The following WDR64 variants were observed in gnomAD, a reference collection of about 807,000 sequenced individuals.
WDR64 encodes the protein WD repeat domain 64.
A neutral mutation model predicts 139.3 loss-of-function variants in WDR64; 112 were observed. The ratio of observed to expected loss-of-function variants is 0.80; its 90% CI spans 0.69 to 0.94. The LOEUF is 0.94. WDR64 is among the 40% of genes least tolerant of loss of function. WDR64 has a pLI of 0.00. For synonymous variants in WDR64, 444 were observed against 437.7 expected (o/e 1.01, Z -0.18); for missense variants, 1,206 against 1,293.1 (o/e 0.93, Z 1.03).
At chr1:241,758,780 G>A (rs996325870) in intron 15 of WDR64, among the ~76,000 whole-genome samples, 5 of 152,018 alleles carry the variant, frequency 3.3e-5, no homozygotes, top group African/African-American at 9.7e-5. Flanking sequence ...GGCTCATCTT[G>A]TACATTTCTT....
At chr1:241,674,535 G>A (rs1478761777) in intron 3 of WDR64, 109 bp from the exon 4 acceptor site, 6 of 636,196 alleles carry the variant, frequency 9.4e-6, no homozygotes, top group Non-Finnish European at 1.4e-5. Flanking sequence ...GATTACAGGA[G>A]TGAGCCACTT....
At chr1:241,752,631 C>T (rs753259890) in intron 14 of WDR64, among the ~76,000 whole-genome samples, 3 of 152,174 alleles carry the variant, frequency 2.0e-5, no homozygotes, top group Non-Finnish European at 4.4e-5. Flanking sequence ...AGGAGGATAG[C>T]TTGAGGTTAG....
intron 14 of WDR64, among the ~76,000 whole-genome samples, chr1:241,750,525 T>G (rs1558506689): frequency 6.6e-6 from 1 of 152,224 alleles, no homozygotes; most frequent in African/African-American, 2.4e-5. Context: ...GAAAGGAATT[T>G]CTTAGTAATA....
At position 241,703,740 on chromosome 1, in the gene WDR64, G is replaced by A. The variant is rs901418742; in HGVS notation, c.975-8062G>A. Reference sequence around the variant, plus strand: ...GATACTATCTGAGACTCAATAATTTGTAAAGGAAAGAGGTTAATTGACTCA... The same window carrying A: ...GATACTATCTGAGACTCAATAATTTATAAAGGAAAGAGGTTAATTGACTCA... On this transcript the variant is annotated intron_variant, in intron 8 of 27. Coordinates refer to ENST00000437684, the MANE Select transcript of WDR64 (RefSeq NM_001367482.1). This position sits in a 1 kb window ranked among gnomAD's most constrained non-coding sequence, Gnocchi z 5.9. Among the ~76,000 whole-genome samples, 3 of 152,126 alleles carry A rather than the reference G, an allele frequency of 2.0e-5. No homozygotes were observed. Among genetic ancestry groups the A allele is most frequent in the African/African-American group, 7.2e-5 (3 of 41,434 alleles).
Position 241,653,011 on chromosome 1 carries a change from C to T in WDR64, c.145+382C>T, listed in dbSNP as rs1379128805. ...TCTTAGCCTAAAGATATCATGAGAC[C>T]ATAAAGACTTTCATAAGAAGTGCAG... On this transcript the variant is annotated intron_variant, in intron 1 of 27. Coordinates refer to ENST00000437684, the MANE Select transcript of WDR64 (RefSeq NM_001367482.1). 2.0e-5 allele frequency among the ~76,000 whole-genome samples: 3 copies of T among 152,150 alleles called. No homozygotes were observed. In the East Asian group the frequency reaches 5.8e-4, roughly 29 times the overall value.
chr1:241,709,651 C>T (rs1469115552), intron 8 of WDR64, among the ~76,000 whole-genome samples: 1 of 152,010 alleles, frequency 6.6e-6, no homozygotes, highest in East Asian at 1.9e-4. Flanking sequence ...TTGTGAGCCC[C>T]AGTTTTTGTA....
Position 241,720,124 on chromosome 1 carries a change from G to A in WDR64, c.1055-3173G>A, listed in dbSNP as rs1468149414. On this transcript the variant is annotated intron_variant, in intron 9 of 27. Transcript: ENST00000437684. ...CAGCTCCATCCACATCCTTGCAAAG[G>A]ACATGATCTTGTTCCTTTTTATGGC... Among the ~76,000 whole-genome samples the A allele has an allele frequency of 3.3e-5, 5 of 152,170 alleles. No homozygotes were observed. In the South Asian group the frequency reaches 6.2e-4, roughly 19 times the overall value.
rs1257409177 is a variant in WDR64 at position 241,771,937 on chromosome 1, CATACATACATATATATATATATAT to C, written c.2290+244_2290+267del. Among the ~76,000 whole-genome samples, 210 of 56,524 alleles carry C rather than the reference CATACATACATATATATATATATAT, an allele frequency of 3.7e-3. 2 individuals carry two copies. Among genetic ancestry groups the C allele is most frequent in the African/African-American group, 0.011 (193 of 17,100 alleles). The allele number at this position is 56,524 out of a possible 152,430, so 37.1% of individuals were successfully genotyped here. On this transcript the variant is annotated intron_variant, in intron 19 of 27. Transcript: ENST00000437684. ...ATACATATATACATACATATACATA[CATACATACATATATATATATATAT>C]ATATATATATATATATATATATATA... is the stretch of plus-strand genomic sequence containing the variant.
intron 10 of WDR64, among the ~76,000 whole-genome samples, chr1:241,727,228 G>A (rs1263910698): frequency 6.6e-6 from 1 of 152,176 alleles, no homozygotes; most frequent in African/African-American, 2.4e-5. Flanking sequence ...GAAAGACAGT[G>A]AAGGTTTTGA....
At chr1:241,690,130 A>G (rs1410738749) in intron 8 of WDR64, among the ~76,000 whole-genome samples, 1 of 152,160 alleles carries the variant, frequency 6.6e-6, no homozygotes, top group Non-Finnish European at 1.5e-5. Context: ...ATGCCAAAAA[A>G]TAACTATACC....
intron 2 of WDR64, among the ~76,000 whole-genome samples, chr1:241,663,954 A>G (rs1249638568): frequency 6.6e-6 from 1 of 152,026 alleles, no homozygotes; most frequent in African/African-American, 2.4e-5. Flanking sequence ...TTTTTTCTAG[A>G]TATACTGATT....
At chr1:241,659,489 T>G (rs1409794123) in intron 1 of WDR64, among the ~76,000 whole-genome samples, 2 of 152,214 alleles carry the variant, frequency 1.3e-5, no homozygotes, top group African/African-American at 4.8e-5. Context: ...CACCACACTG[T>G]CTTCCACAAT....
chr1:241,754,597 C>A (rs1442222096), intron 14 of WDR64, among the ~76,000 whole-genome samples: 1 of 152,078 alleles, frequency 6.6e-6, no homozygotes, highest in Non-Finnish European at 1.5e-5. Flanking sequence ...GAATTACAGG[C>A]GTCAGCCACC....
At chr1:241,735,825 C>CTA (rs1669290631) in intron 10 of WDR64, among the ~76,000 whole-genome samples, 2 of 58,716 alleles carry the variant, frequency 3.4e-5, no homozygotes, top group African/African-American at 5.6e-5. Context: ...CTCTTTCTAT[C>CTA]TCTCTCTCTC....
At position 241,707,711 on chromosome 1, in the gene WDR64, C is replaced by T. The variant is rs560576172; in HGVS notation, c.975-4091C>T. On this transcript the variant is annotated intron_variant, in intron 8 of 27. Transcript: ENST00000437684. ...TGTGCCCCCCACAGCTCTGGGACGC[C>T]ATCCACAAAGGCTGCACAGTTGCCC... Among the ~76,000 whole-genome samples the T allele has an allele frequency of 2.0e-5, 3 of 152,318 alleles. No homozygotes were observed. In the East Asian group the frequency reaches 5.8e-4, roughly 29 times the overall value.
chr1:241,790,506 C>A, intron 24 of WDR64, 85 bp from the exon 25 acceptor site: 1 of 1,121,372 alleles, frequency 8.9e-7, no homozygotes, highest in South Asian at 1.5e-5. Flanking sequence ...ATGTGGGCAC[C>A]AGAGAAGGAC....
chr1:241,730,532 C>T (rs1330789742), intron 10 of WDR64, among the ~76,000 whole-genome samples: 1 of 152,180 alleles, frequency 6.6e-6, no homozygotes, highest in South Asian at 2.1e-4. Flanking sequence ...CACACATACA[C>T]ATATTCACTA....
intron 27 of WDR64, among the ~76,000 whole-genome samples, chr1:241,799,767 T>G (rs1328379813): frequency 6.6e-6 from 1 of 152,182 alleles, no homozygotes; most frequent in South Asian, 2.1e-4. Context: ...CTGGTCAGAA[T>G]AACCTTATGA....
chr1:241,795,964 T>C (rs1042623366), intron 26 of WDR64, among the ~76,000 whole-genome samples: 3 of 152,056 alleles, frequency 2.0e-5, no homozygotes, highest in African/African-American at 2.4e-5. Context: ...TTCTAAGAGG[T>C]AGACGGAATG....
Sources: allele counts gnomAD v4.1 joint callset (sites outside exome capture counted in the v4.1 genomes callset), GRCh38; gene constraint gnomAD v4.1.1; non-coding constraint Gnocchi (gnomAD v3.1); transcripts MANE v1.5; gene names NCBI Gene and HGNC (gene_info 2026-07-23, HGNC 2026-07-21).